Variants in AKAP13 observed in about 807,000 individuals in gnomAD.
The protein encoded by AKAP13 is A-kinase anchoring protein 13, also known as A-kinase anchor protein 13.
In AKAP13, 80 loss-of-function variants were observed where a neutral mutation model predicts 264.5. That is an observed-to-expected ratio of 0.30 (90% CI 0.25 to 0.36). AKAP13 has a LOEUF of 0.36. Among genes scored for constraint, AKAP13 ranks in the 10% least tolerant of loss-of-function variants. The probability of loss-of-function intolerance (pLI) is 1.00; values close to 1 mark genes in which losing one functional copy is unlikely to be tolerated. For synonymous variants in AKAP13, 1,380 were observed against 1,250.2 expected (o/e 1.10, Z -2.19); for missense variants, 3,712 against 3,435.2 (o/e 1.08, Z -2.01).
intron 25 of AKAP13, 128 bp from the exon 26 acceptor site, chr15:85,722,944 T>G (rs2087385850): frequency 8.0e-7 from 1 of 1,249,668 alleles, no homozygotes; most frequent in African/African-American, 1.5e-5. Flanking sequence ...ATCTCTGACG[T>G]GTTGGCTTCC....
chr15:85,716,722 CTT>C (rs1426238605), intron 20 of AKAP13, among the ~76,000 whole-genome samples: 1 of 151,864 alleles, frequency 6.6e-6, no homozygotes, highest in Non-Finnish European at 1.5e-5. Flanking sequence ...TTTGTTTTGT[CTT>C]TGTATTCTCA....
chr15:85,484,052 C>T (rs2075445968), intron 1 of AKAP13, among the ~76,000 whole-genome samples: 1 of 151,996 alleles, frequency 6.6e-6, no homozygotes, highest in South Asian at 2.1e-4. Context: ...GAACACTTGA[C>T]AAGTTAGTTA....
intron 8 of AKAP13, among the ~76,000 whole-genome samples, chr15:85,637,181 A>G (rs1266859306): frequency 6.6e-6 from 1 of 152,156 alleles, no homozygotes; most frequent in Non-Finnish European, 1.5e-5. Flanking sequence ...TGCATTGTAA[A>G]TACTTTTCTT....
intron 1 of AKAP13, among the ~76,000 whole-genome samples, chr15:85,453,643 GA>G (rs1404389070): frequency 6.6e-6 from 1 of 152,228 alleles, no homozygotes; most frequent in Non-Finnish European, 1.5e-5. Context: ...CATTTTGGTA[GA>G]GCATGTGTGC....
At chr15:85,682,008 T>C (rs1376119028) in intron 14 of AKAP13, 150 bp from the exon 15 acceptor site, 2 of 686,130 alleles carry the variant, frequency 2.9e-6, no homozygotes, top group Non-Finnish European at 5.0e-6. Context: ...AATTTTTCCT[T>C]CTTTCAAACC....
At chr15:85,550,495 G>T (rs1466107279) in intron 5 of AKAP13, among the ~76,000 whole-genome samples, 2 of 151,946 alleles carry the variant, frequency 1.3e-5, no homozygotes, top group African/African-American at 2.4e-5. Context: ...TAGGTGTAGG[G>T]TTAGGTGGTG....
At chr15:85,736,046 A>C (rs1285437182) in intron 32 of AKAP13, 44 bp from the exon 33 acceptor site, 1 of 1,448,532 alleles carries the variant, frequency 6.9e-7, no homozygotes, top group African/African-American at 1.4e-5. Flanking sequence ...TCATTTTTGC[A>C]TCAAGATCTT....
At chr15:85,439,848 A>G (rs8028185) in intron 1 of AKAP13, among the ~76,000 whole-genome samples, 12,772 of 141,960 alleles carry the variant, frequency 0.09, 781 homozygotes, top group East Asian at 0.27. Context: ...GAGGGATAGC[A>G]TTAGGAGATA....
rs1402404524 is a variant in AKAP13, at chr15:85,579,216, T to C, written c.1148T>C (p.Val383Ala). ...GGCGTGGAAAGAAAAGGGGAAGAGG[T>C]GGAGCCAGCACCTATTGTGGACTCT... is the stretch of plus-strand genomic sequence containing the variant. Reference protein sequence around the residue: ...NKGVERKGEEVEPAPIVDSGT... With the variant: ...NKGVERKGEEAEPAPIVDSGT... Residue 383 changes from valine to alanine, a missense_variant, in exon 7 of 37, where the codon GTG (valine) becomes GCG (alanine). This residue lies in a region of AKAP13 where 2,759 missense variants were observed against 2,411.7 expected (regional missense o/e 1.14). Coordinates refer to ENST00000394518, the MANE Select transcript of AKAP13 (RefSeq NM_007200.5). The C allele has an allele frequency of 8.7e-6, 14 of 1,613,962 alleles. No homozygotes were observed. The highest frequency in any genetic ancestry group is 1.7e-5 in the Admixed American group (1 of 59,988).
At chr15:85,629,642 G>C (rs894207338) in intron 8 of AKAP13, among the ~76,000 whole-genome samples, 1 of 151,940 alleles carries the variant, frequency 6.6e-6, no homozygotes, top group Non-Finnish European at 1.5e-5. Context: ...GCCTCACTGA[G>C]TGTGTTTTCT....
intron 4 of AKAP13, among the ~76,000 whole-genome samples, chr15:85,542,443 G>A (rs780257175): frequency 3.3e-5 from 5 of 152,214 alleles, no homozygotes; most frequent in Admixed American, 6.5e-5. Flanking sequence ...TAAAATCACA[G>A]CTTCAAAAAT....
At position 85,643,623 on chromosome 15, in the gene AKAP13, A is replaced by T. The variant is rs530563374; in HGVS notation, c.4238-2195A>T. On this transcript the variant is annotated intron_variant, in intron 9 of 36. Transcript: ENST00000394518. ...GATACCTTTTCTGTAATATCTTGAC[A>T]TAGTCATTCTGTGTTCCAAAACCCT... 5.9e-5 allele frequency among the ~76,000 whole-genome samples: 9 copies of T among 152,318 alleles called. 1 individual carries two copies. Among genetic ancestry groups the T allele is most frequent in the African/African-American group, 2.2e-4 (9 of 41,574 alleles).
intron 1 of AKAP13, among the ~76,000 whole-genome samples, chr15:85,465,339 C>A (rs750693689): frequency 6.6e-6 from 1 of 152,044 alleles, no homozygotes; most frequent in South Asian, 2.1e-4. Flanking sequence ...GGATCTTAGT[C>A]ATTTTTAAAA....
In AKAP13 at chr15:85,402,546, C is replaced by A. The variant is rs552933350; in HGVS notation, c.-12+21748C>A. 3.7e-4 allele frequency among the ~76,000 whole-genome samples: 57 copies of A among 152,280 alleles called. No homozygotes were observed. The South Asian group carries it at 0.012, about 31-fold the overall frequency. On this transcript the variant is annotated intron_variant, in intron 1 of 36. Transcript: ENST00000394518. Reference sequence around the variant, plus strand: ...GATGTTAACTGCCCATGAGATAGTTCTCAACTAAGCAATTAGAAATTAAAA... The same window carrying A: ...GATGTTAACTGCCCATGAGATAGTTATCAACTAAGCAATTAGAAATTAAAA...
intron 1 of AKAP13, among the ~76,000 whole-genome samples, chr15:85,453,659 C>T (rs566120634): frequency 5.8e-4 from 89 of 152,290 alleles, no homozygotes; most frequent in African/African-American, 2.1e-3. Flanking sequence ...GTGTGCTGTG[C>T]TGGGGGTCCA....
At chr15:85,692,280 T>C (rs2085329349) in intron 16 of AKAP13, among the ~76,000 whole-genome samples, 1 of 152,214 alleles carries the variant, frequency 6.6e-6, no homozygotes, top group Non-Finnish European at 1.5e-5. Context: ...TAATTAATAA[T>C]ATTGCTAAGC....
chr15:85,519,182 A>G (rs1026096499), intron 2 of AKAP13, among the ~76,000 whole-genome samples: 1 of 152,040 alleles, frequency 6.6e-6, no homozygotes, highest in Non-Finnish European at 1.5e-5. Context: ...TTTATGGCCC[A>G]TTGTAGTGCA....
intron 1 of AKAP13, among the ~76,000 whole-genome samples, chr15:85,458,802 A>G (rs560092631): frequency 4.6e-5 from 7 of 152,246 alleles, no homozygotes; most frequent in Admixed American, 3.9e-4. Context: ...TTCCGTGACA[A>G]CTTGGTGCCA....
intron 16 of AKAP13, among the ~76,000 whole-genome samples, chr15:85,689,620 A>G (rs2085158154): frequency 6.6e-6 from 1 of 152,332 alleles, no homozygotes; most frequent in Admixed American, 6.5e-5. Flanking sequence ...ACTTCACTGA[A>G]AAGTTTTCTT....
Sources: gnomAD v4.1 joint callset for allele counts (sites outside exome capture counted in the v4.1 genomes callset) on GRCh38, gnomAD v4.1.1 for gene constraint, gnomAD v4.1.1 regional missense constraint, MANE v1.5 for transcripts, NCBI Gene and HGNC (gene_info 2026-07-23, HGNC 2026-07-21) for gene names.